The following UHRF2 variants were observed in gnomAD, a reference collection of about 807,000 sequenced individuals.
The protein encoded by UHRF2 is ubiquitin like with PHD and ring finger domains 2.
A neutral mutation model predicts 96.8 loss-of-function variants in UHRF2; 23 were observed. The ratio of observed to expected loss-of-function variants is 0.24; its 90% CI spans 0.17 to 0.34. UHRF2 has a LOEUF of 0.34. Ranked by LOEUF, UHRF2 falls within the 10% of genes least tolerant of loss-of-function variation. The pLI is 1.00. For synonymous variants in UHRF2, 385 were observed against 332.6 expected (o/e 1.16, Z -1.72); for missense variants, 685 against 981.5 (o/e 0.70, Z 4.04).
chr9:6,460,845 A>G, intron 4 of UHRF2, 54 bp downstream of exon 4: 1 of 1,472,820 alleles, frequency 6.8e-7, no homozygotes, highest in South Asian at 1.3e-5. Flanking sequence ...CAAGGAATGT[A>G]TTTTTAGGTA....
At chr9:6,479,281 G>A (rs1341155912) in intron 6 of UHRF2, among the ~76,000 whole-genome samples, 1 of 152,114 alleles carries the variant, frequency 6.6e-6, no homozygotes, top group Non-Finnish European at 1.5e-5. Context: ...CAGGTTCACA[G>A]ACACTTTTTA....
intron 10 of UHRF2, chr9:6,495,733 C>CT (rs1230895971): frequency 6.6e-6 from 1 of 152,122 alleles, no homozygotes; most frequent in Non-Finnish European, 1.5e-5. Flanking sequence ...CTCTTGGACT[C>CT]TTTTCATATA....
chr9:6,449,847 TG>T (rs1434891466), intron 3 of UHRF2, among the ~76,000 whole-genome samples: 1 of 152,210 alleles, frequency 6.6e-6, no homozygotes, highest in African/African-American at 2.4e-5. Flanking sequence ...ATTTCCCATG[TG>T]TTGTCACAGT....
intron 2 of UHRF2, among the ~76,000 whole-genome samples, chr9:6,421,862 G>A (rs1487951562): frequency 6.6e-6 from 1 of 152,112 alleles, no homozygotes; most frequent in South Asian, 2.1e-4. Flanking sequence ...AGTATGTTTT[G>A]TCTGTATTTG....
At chr9:6,468,464 G>T (rs1196999353) in intron 4 of UHRF2, 6 of 455,966 alleles carry the variant, frequency 1.3e-5, no homozygotes, top group African/African-American at 1.2e-4. Context: ...CCAACTGCGG[G>T]TATGTCTCTG....
intron 4 of UHRF2, among the ~76,000 whole-genome samples, chr9:6,464,193 G>C (rs1389555147): frequency 6.6e-6 from 1 of 152,210 alleles, no homozygotes; most frequent in African/African-American, 2.4e-5. Flanking sequence ...ACTCCTAGTG[G>C]GGTTGAGAAT....
rs10975584 is a variant in UHRF2 at position 6,421,445 on chromosome 9, C to T, written c.384+303C>T. 3.3e-3 allele frequency among the ~76,000 whole-genome samples: 506 copies of T among 152,296 alleles called. 14 individuals are homozygous for T. In the East Asian group the frequency reaches 0.066, roughly 20 times the overall value. On this transcript the variant is annotated intron_variant, in intron 2 of 15. Transcript: ENST00000276893. ...GTTTGTTTTTGATAACGGAGGCTTG[C>T]TCTGTCACCCAGGCTGGAGTGCAGT...
intron 3 of UHRF2, among the ~76,000 whole-genome samples, chr9:6,447,124 C>G (rs1235194632): frequency 1.3e-5 from 2 of 152,224 alleles, no homozygotes; most frequent in South Asian, 4.1e-4. Context: ...CTCCTGACCT[C>G]ATGATCTGCC....
At chr9:6,505,613 G>A (rs917670311) in intron 15 of UHRF2, among the ~76,000 whole-genome samples, 2 of 152,050 alleles carry the variant, frequency 1.3e-5, no homozygotes, top group East Asian at 1.9e-4. Context: ...TATATTTTTT[G>A]AAGACTCACC....
intron 4 of UHRF2, among the ~76,000 whole-genome samples, chr9:6,471,846 T>C (rs1378000877): frequency 6.6e-6 from 1 of 152,062 alleles, no homozygotes; most frequent in Non-Finnish European, 1.5e-5. Context: ...AAGAAACTGG[T>C]GGGAATAGGT....
chr9:6,475,402 G>A lies in UHRF2; in HGVS notation c.875G>A (p.Gly292Glu). ...CCTTTTTTAAACAGGGGTTCTGAAG[G>A]AACATTAAATGACTGCAAGATAATA... Reference protein sequence around the residue: ...RVKIFLGGSEGTLNDCKIISV... With the variant: ...RVKIFLGGSEETLNDCKIISV... The change falls in exon 5 of 16, where the codon GGA (glycine) becomes GAA (glutamate). Residue 292 changes from glycine to glutamate, a missense_variant. This residue lies in a region of UHRF2 where 391 missense variants were observed against 437.0 expected (regional missense o/e 0.89). Transcript: ENST00000276893. 6.4e-7 allele frequency: 1 copy of A among 1,562,498 alleles called. No homozygotes were observed.
At chr9:6,464,314 G>A (rs1017282727) in intron 4 of UHRF2, among the ~76,000 whole-genome samples, 3 of 152,136 alleles carry the variant, frequency 2.0e-5, no homozygotes, top group Non-Finnish European at 4.4e-5. Flanking sequence ...ATTTTTAGGA[G>A]TTCTAATTAC....
At chr9:6,495,752 G>A (rs951205816) in intron 10 of UHRF2, 3 of 152,120 alleles carry the variant, frequency 2.0e-5, no homozygotes, top group Admixed American at 6.5e-5. Flanking sequence ...TACTTGAATA[G>A]CCTAATTATC....
chr9:6,477,814 A>AT lies in UHRF2; in HGVS notation c.1160+8dup. Reference sequence around the variant, plus strand: ...GTCCCAGAAGAGGAATACTGGTATGATTATCAGGTTTTTGTTGTTGTTGTT... The same window carrying AT: ...GTCCCAGAAGAGGAATACTGGTATGATTTATCAGGTTTTTGTTGTTGTTGTT... On this transcript the variant is annotated splice_region_variant and intron_variant, in intron 6 of 15. Coordinates refer to ENST00000276893, the MANE Select transcript of UHRF2 (RefSeq NM_152896.3). 6.3e-7 allele frequency: 1 copy of AT among 1,579,554 alleles called. No individual in the cohort carries two copies.
chr9:6,424,760 G>A (rs1454548368), intron 2 of UHRF2, among the ~76,000 whole-genome samples: 1 of 143,830 alleles, frequency 7.0e-6, no homozygotes, highest in Non-Finnish European at 1.5e-5. Flanking sequence ...GACATTGACT[G>A]TGACAATTTC....
intron 3 of UHRF2, among the ~76,000 whole-genome samples, chr9:6,446,000 T>C (rs1181867224): frequency 1.4e-5 from 2 of 139,818 alleles, no homozygotes; most frequent in African/African-American, 2.7e-5. Flanking sequence ...TTTTTTTTTT[T>C]CCTGTTTTTG....
chr9:6,428,527 C>G (rs1220759390), intron 2 of UHRF2, among the ~76,000 whole-genome samples: 1 of 91,010 alleles, frequency 1.1e-5, no homozygotes, highest in Non-Finnish European at 2.2e-5. Context: ...AACCATATTG[C>G]TTTTGCTTTT....
intron 5 of UHRF2, 84 bp from the exon 6 acceptor site, chr9:6,477,538 T>C: frequency 3.8e-6 from 5 of 1,315,260 alleles, no homozygotes; most frequent in Non-Finnish European, 5.2e-6. Flanking sequence ...AAAAAAATGC[T>C]GTTTCCATGG....
At chr9:6,446,013 A>G (rs935135519) in intron 3 of UHRF2, among the ~76,000 whole-genome samples, 4 of 64,636 alleles carry the variant, frequency 6.2e-5, no homozygotes, top group Non-Finnish European at 1.1e-4. Flanking sequence ...TGTTTTTGAG[A>G]TAGAGTCTCA....
Sources: allele counts gnomAD v4.1 joint callset (sites outside exome capture counted in the v4.1 genomes callset), GRCh38; gene constraint gnomAD v4.1.1; regional missense constraint gnomAD v4.1.1; transcripts MANE v1.5; gene names NCBI Gene and HGNC (gene_info 2026-07-23, HGNC 2026-07-21).